HS6ST3: variants seen among roughly 807,000 people sequenced by gnomAD.
The protein encoded by HS6ST3 is heparan sulfate 6-O-sulfotransferase 3, also known as heparan-sulfate 6-O-sulfotransferase 3.
A neutral mutation model predicts 36.7 loss-of-function variants in HS6ST3; 12 were observed. The ratio of observed to expected loss-of-function variants is 0.33; its 90% CI spans 0.21 to 0.53. The LOEUF (loss-of-function observed/expected upper bound fraction) is 0.53. Ranked by LOEUF, HS6ST3 falls within the 20% of genes least tolerant of loss-of-function variation. The probability of loss-of-function intolerance (pLI) is 0.95; values close to 1 mark genes in which losing one functional copy is unlikely to be tolerated. For missense variants in HS6ST3, 584 were observed against 640.9 expected (o/e 0.91, Z 0.96); for synonymous variants, 240 against 257.5 (o/e 0.93, Z 0.65).
intron 1 of HS6ST3, among the ~76,000 whole-genome samples, chr13:96,726,223 T>G (rs1876003976): frequency 6.6e-6 from 1 of 152,230 alleles, no homozygotes. Flanking sequence ...ATCTATAGCA[T>G]TTCCATATGA....
At chr13:96,498,053 T>C (rs188548574) in intron 1 of HS6ST3, among the ~76,000 whole-genome samples, 5 of 152,294 alleles carry the variant, frequency 3.3e-5, no homozygotes, top group Non-Finnish European at 1.5e-5. Flanking sequence ...GTCTGGATGC[T>C]TTTACAGGGG....
rs1368919969 is a variant in HS6ST3 at position 96,833,301 on chromosome 13, G to C, written c.*103G>C. On this transcript the variant is annotated 3_prime_UTR_variant, in exon 2 of 2. Transcript: ENST00000376705. ...TGAGCCATTCTGAGGACATCTGGCT[G>C]TGTGTGCTTGATTTGGACATCTTCT... 2 of 822,004 alleles carry C rather than the reference G, an allele frequency of 2.4e-6. No individual in the cohort carries two copies. Among genetic ancestry groups the C allele is most frequent in the Non-Finnish European group, 3.7e-6 (2 of 542,350 alleles). 50.9% of individuals were successfully genotyped at this position (822,004 alleles called of 1,614,324 possible).
chr13:96,738,423 G>A (rs996349137), intron 1 of HS6ST3, among the ~76,000 whole-genome samples: 2 of 151,388 alleles, frequency 1.3e-5, no homozygotes, highest in Admixed American at 6.6e-5. Flanking sequence ...TACTGCCATC[G>A]ATGATGCTGT....
At chr13:96,167,357 A>T (rs2054166073) in intron 1 of HS6ST3, among the ~76,000 whole-genome samples, 1 of 152,174 alleles carries the variant, frequency 6.6e-6, no homozygotes, top group African/African-American at 2.4e-5. Context: ...CCCCTCTGCC[A>T]GAGTTATTTC....
At chr13:96,543,253 A>T (rs193204593) in intron 1 of HS6ST3, among the ~76,000 whole-genome samples, 303 of 152,254 alleles carry the variant, frequency 2.0e-3, no homozygotes, top group African/African-American at 6.9e-3. Context: ...TACTTCAGTC[A>T]TCCTCCCCCA....
At chr13:96,594,501 C>T (rs1441914381) in intron 1 of HS6ST3, among the ~76,000 whole-genome samples, 1 of 151,930 alleles carries the variant, frequency 6.6e-6, no homozygotes, top group African/African-American at 2.4e-5. Flanking sequence ...ATATCATTAC[C>T]ATGAGACTTA....
At chr13:96,365,300 C>A (rs2055257737) in intron 1 of HS6ST3, among the ~76,000 whole-genome samples, 1 of 152,184 alleles carries the variant, frequency 6.6e-6, no homozygotes, top group Admixed American at 6.5e-5. Flanking sequence ...CCACGTGAGG[C>A]ATTGTGGGGA....
intron 1 of HS6ST3, among the ~76,000 whole-genome samples, chr13:96,235,149 G>T (rs191849128): frequency 1.7e-4 from 26 of 152,280 alleles, no homozygotes; most frequent in Admixed American, 1.2e-3. Context: ...GTGATATACA[G>T]TTAAGGAAGA....
intron 1 of HS6ST3, among the ~76,000 whole-genome samples, chr13:96,735,428 A>G (rs1211605068): frequency 6.6e-6 from 1 of 152,204 alleles, no homozygotes; most frequent in Non-Finnish European, 1.5e-5. Context: ...TTACCTATAT[A>G]TTTTATCAAT....
intron 1 of HS6ST3, among the ~76,000 whole-genome samples, chr13:96,412,326 A>AT (rs1480359392): frequency 5.3e-5 from 8 of 152,098 alleles, no homozygotes; most frequent in Non-Finnish European, 8.8e-5. Flanking sequence ...CTAAGAGGAG[A>AT]AGTCCAGCAG....
intron 1 of HS6ST3, among the ~76,000 whole-genome samples, chr13:96,292,516 T>C (rs1182553450): frequency 6.6e-6 from 1 of 152,136 alleles, no homozygotes; most frequent in Non-Finnish European, 1.5e-5. Flanking sequence ...CATTTTGTAA[T>C]CTATGCAAGG....
At position 96,648,979 on chromosome 13, in the gene HS6ST3, C is replaced by A. The variant is rs557305851; in HGVS notation, c.708-183511C>A. Among the ~76,000 whole-genome samples, 3 of 152,074 alleles carry A rather than the reference C, an allele frequency of 2.0e-5. No homozygotes were observed. The South Asian group carries it at 6.2e-4, about 32-fold the overall frequency. ...TTCTACTATCTATATTGATCTCAGA[C>A]CTCTCTGCAGACCCCTATATTTGAT... On this transcript the variant is annotated intron_variant, in intron 1 of 1. Transcript: ENST00000376705.
At chr13:96,194,071 G>A (rs1321933691) in intron 1 of HS6ST3, among the ~76,000 whole-genome samples, 1 of 152,160 alleles carries the variant, frequency 6.6e-6, no homozygotes, top group East Asian at 1.9e-4. Flanking sequence ...CTTTTAATCT[G>A]CACAGTAATC....
At chr13:96,304,035 G>A (rs1011641448) in intron 1 of HS6ST3, among the ~76,000 whole-genome samples, 1 of 151,896 alleles carries the variant, frequency 6.6e-6, no homozygotes, top group African/African-American at 2.4e-5. Flanking sequence ...TCCAGTTACG[G>A]GGGAGGCTGA....
At chr13:96,130,325 G>A (rs1445640124) in intron 1 of HS6ST3, among the ~76,000 whole-genome samples, 1 of 152,074 alleles carries the variant, frequency 6.6e-6, no homozygotes, top group Non-Finnish European at 1.5e-5. Flanking sequence ...GAGGTGTCCT[G>A]GAACCTTAAC....
chr13:96,091,659 C>A, intron 1 of HS6ST3, 90 bp downstream of exon 1: 2 of 1,444,660 alleles, frequency 1.4e-6, no homozygotes, highest in Non-Finnish European at 1.8e-6. Flanking sequence ...CGCTCCCTGC[C>A]CCTGCCGATG....
chr13:96,599,560 AT>A lies in HS6ST3; in HGVS notation c.708-232923del, dbSNP rs373891699. On this transcript the variant is annotated intron_variant, in intron 1 of 1. Transcript: ENST00000376705. Reference sequence around the variant, plus strand: ...GGTTAATCTAAGTAGTGTTATATCAATTTTTTTATCTTTCCAAATAATCAAC... The same window carrying A: ...GGTTAATCTAAGTAGTGTTATATCAATTTTTTATCTTTCCAAATAATCAAC... Among the ~76,000 whole-genome samples, 886 of 151,356 alleles carry A rather than the reference AT, an allele frequency of 5.9e-3. 5 individuals are homozygous for A. The highest frequency in any genetic ancestry group is 0.02 in the African/African-American group (839 of 41,312).
intron 1 of HS6ST3, among the ~76,000 whole-genome samples, chr13:96,562,105 T>C (rs1439281876): frequency 2.0e-5 from 3 of 152,164 alleles, no homozygotes; most frequent in Admixed American, 2.0e-4. Context: ...TTATTCACAA[T>C]AGCAAAGACA....
intron 1 of HS6ST3, among the ~76,000 whole-genome samples, chr13:96,447,749 T>A (rs1192223793): frequency 6.6e-6 from 1 of 152,184 alleles, no homozygotes; most frequent in African/African-American, 2.4e-5. Flanking sequence ...CCTATGCAAA[T>A]CAGACCACCT....
Sources: allele counts gnomAD v4.1 joint callset (sites outside exome capture counted in the v4.1 genomes callset), GRCh38; gene constraint gnomAD v4.1.1; transcripts MANE v1.5; gene names NCBI Gene and HGNC (gene_info 2026-07-23, HGNC 2026-07-21).